Variants in LYPLA1 observed in about 807,000 individuals in gnomAD.
LYPLA1 encodes the protein lysophospholipase 1, also known as acyl-protein thioesterase 1.
Under a neutral mutation model 34.0 loss-of-function variants are expected in LYPLA1, and 17 were observed. That is an observed-to-expected ratio of 0.50 (90% CI 0.34 to 0.75). The LOEUF is 0.75. Among genes scored for constraint, LYPLA1 ranks in the 30% least tolerant of loss-of-function variants. LYPLA1 has a pLI of 0.01. For synonymous variants in LYPLA1, 98 were observed against 100.8 expected, an observed-to-expected ratio of 0.97 and a Z score of 0.17; for missense variants, 203 against 288.8, an observed-to-expected ratio of 0.70 and a Z score of 2.15.
rs781402436 is a variant in LYPLA1, at chr8:54,052,622, G to C, written c.462+33C>G. ...ATATCTACTAGCTACCTTTAGCTCA[G>C]TAATCTCATGTTGAGTGCATCAACC... is the stretch of plus-strand genomic sequence containing the variant. On this transcript the variant is annotated intron_variant, in intron 7 of 8. Transcript: ENST00000316963. The C allele has an allele frequency of 2.2e-6, 3 of 1,336,846 alleles. No homozygotes were observed. In the African/African-American group the frequency reaches 4.3e-5, roughly 19 times the overall value. The allele number at this position is 1,336,846 out of a possible 1,614,324, so 82.8% of individuals were successfully genotyped here.
downstream of LYPLA1, among the ~76,000 whole-genome samples, chr8:54,043,574 CTATTT>C (rs1240639584): frequency 6.6e-6 from 1 of 151,200 alleles, no homozygotes; most frequent in African/African-American, 2.4e-5. Context: ...GCACCTGACC[CTATTT>C]ATTTTTTAGG....
chr8:54,089,492 T>TTG (rs1809047941), intron 2 of LYPLA1, among the ~76,000 whole-genome samples: 1 of 103,012 alleles, frequency 9.7e-6, no homozygotes, highest in African/African-American at 5.5e-5. Context: ...CAGACATCCC[T>TTG]GGGGGGGGGC....
At chr8:54,095,844 A>G (rs1809643229) in intron 2 of LYPLA1, among the ~76,000 whole-genome samples, 1 of 151,552 alleles carries the variant, frequency 6.6e-6, no homozygotes, top group Admixed American at 6.6e-5. Context: ...TCAGCTTCCC[A>G]AAGCACTGGT....
chr8:54,092,936 G>T (rs1014223102), intron 2 of LYPLA1, among the ~76,000 whole-genome samples: 3 of 152,114 alleles, frequency 2.0e-5, no homozygotes, highest in African/African-American at 7.2e-5. Flanking sequence ...TTCTGTCTGG[G>T]TTTGTAAAAG....
At chr8:54,099,608 G>C (rs921070813) in intron 2 of LYPLA1, among the ~76,000 whole-genome samples, 3 of 152,150 alleles carry the variant, frequency 2.0e-5, no homozygotes, top group African/African-American at 7.2e-5. Flanking sequence ...GTTGCAGTGA[G>C]TCAAGATCAC....
chr8:54,085,219 C>T (rs990464931), intron 2 of LYPLA1, among the ~76,000 whole-genome samples: 1 of 152,250 alleles, frequency 6.6e-6, no homozygotes, highest in Non-Finnish European at 1.5e-5. Flanking sequence ...AGCTCCTGAC[C>T]GCGAGTGATC....
chr8:54,084,528 G>C (rs1256420040), intron 2 of LYPLA1, among the ~76,000 whole-genome samples: 1 of 151,964 alleles, frequency 6.6e-6, no homozygotes, highest in East Asian at 1.9e-4. Context: ...TTGAGATTGA[G>C]CCACTGCACT....
At chr8:54,053,759 A>C (rs1026746986) in intron 6 of LYPLA1, 1 of 456,234 alleles carries the variant, frequency 2.2e-6, no homozygotes, top group Non-Finnish European at 4.4e-6. Context: ...GAAACAGACA[A>C]GCAAAGAAAC....
chr8:54,098,461 T>C (rs1307868337), intron 2 of LYPLA1, among the ~76,000 whole-genome samples: 1 of 152,086 alleles, frequency 6.6e-6, no homozygotes, highest in African/African-American at 2.4e-5. Context: ...GGTGGATCAC[T>C]AGAGGTCAGG....
At chr8:54,056,796 G>T (rs763719931) in intron 5 of LYPLA1, among the ~76,000 whole-genome samples, 2 of 151,924 alleles carry the variant, frequency 1.3e-5, no homozygotes, top group Non-Finnish European at 2.9e-5. Context: ...ACCTGTAGTC[G>T]CAGCTACTTG....
chr8:54,055,000 GCA>G, intron 6 of LYPLA1, 58 bp downstream of exon 6: 9 of 1,006,536 alleles, frequency 8.9e-6, no homozygotes, highest in Non-Finnish European at 1.1e-5. Flanking sequence ...AAGGATTAAT[GCA>G]CAGACTTCTA....
chr8:54,090,511 T>C (rs1809149246), intron 2 of LYPLA1, among the ~76,000 whole-genome samples: 2 of 152,200 alleles, frequency 1.3e-5, no homozygotes, highest in Admixed American at 1.3e-4. Flanking sequence ...TGTTAAAGAA[T>C]TATTTCATCC....
intron 2 of LYPLA1, among the ~76,000 whole-genome samples, chr8:54,077,985 C>CT (rs1245884557): frequency 2.0e-5 from 3 of 152,162 alleles, no homozygotes; most frequent in African/African-American, 7.2e-5. Flanking sequence ...GAGTCTTACT[C>CT]TGTCACCCAG....
At chr8:54,098,202 G>A (rs992287754) in intron 2 of LYPLA1, among the ~76,000 whole-genome samples, 1 of 151,820 alleles carries the variant, frequency 6.6e-6, no homozygotes, top group Non-Finnish European at 1.5e-5. Context: ...CAGCCTGGGT[G>A]ACAGAGCAAG....
chr8:54,052,230 T>C (rs979974973), intron 7 of LYPLA1, among the ~76,000 whole-genome samples: 11 of 152,200 alleles, frequency 7.2e-5, no homozygotes, highest in African/African-American at 2.7e-4. Flanking sequence ...ATCCTTCTAA[T>C]ATAAGATTTG....
chr8:54,090,093 A>G (rs879937235), intron 2 of LYPLA1, among the ~76,000 whole-genome samples: 1 of 152,212 alleles, frequency 6.6e-6, no homozygotes, highest in Non-Finnish European at 1.5e-5. Flanking sequence ...TATCCCAGAA[A>G]AGCAGATGTT....
intron 5 of LYPLA1, among the ~76,000 whole-genome samples, chr8:54,058,188 G>A (rs1371070489): frequency 2.0e-5 from 3 of 152,126 alleles, no homozygotes; most frequent in East Asian, 1.9e-4. Flanking sequence ...AGTGTTGTAC[G>A]TAGTTAAGTT....
At position 54,051,009 on chromosome 8, in the gene LYPLA1, T is replaced by C. The variant is rs1316007182; in HGVS notation, c.639+3A>G. 2.5e-6 allele frequency: 4 copies of C among 1,601,936 alleles called. No homozygotes were observed. In the South Asian group the frequency reaches 3.3e-5, roughly 13 times the overall value. On this transcript the variant is annotated splice_donor_region_variant and intron_variant, in intron 8 of 8. Transcript: ENST00000316963. ...GCGCTGATCACTGCTTCTAGACACCTACCTGTTGACACGAACTGTGCATCA... is the reference window on the plus strand; with the variant it reads ...GCGCTGATCACTGCTTCTAGACACCCACCTGTTGACACGAACTGTGCATCA...
At chr8:54,075,502 G>C (rs1392826808) in intron 2 of LYPLA1, among the ~76,000 whole-genome samples, 2 of 152,130 alleles carry the variant, frequency 1.3e-5, no homozygotes, top group Non-Finnish European at 2.9e-5. Context: ...CACCCGAACA[G>C]AGCCACCCAC....
Sources: gnomAD v4.1 joint callset for allele counts (sites outside exome capture counted in the v4.1 genomes callset) on GRCh38, gnomAD v4.1.1 for gene constraint, MANE v1.5 for transcripts, NCBI Gene and HGNC (gene_info 2026-07-23, HGNC 2026-07-21) for gene names.